Variants in RNMT observed in about 807,000 individuals in gnomAD.
RNMT encodes mRNA cap guanine-N(7) methyltransferase.
Under a neutral mutation model 56.0 loss-of-function variants are expected in RNMT, and 27 were observed. The observed-to-expected ratio is 0.48, with a 90% CI of 0.36 to 0.67. The LOEUF (loss-of-function observed/expected upper bound fraction) is 0.67, where lower values mean the gene tolerates loss of function less well. Ranked by LOEUF, RNMT falls within the 30% of genes least tolerant of loss-of-function variation. The pLI is 0.00. For synonymous variants in RNMT, 184 were observed against 176.2 expected, an observed-to-expected ratio of 1.04 and a Z score of -0.35; for missense variants, 519 against 552.1, an observed-to-expected ratio of 0.94 and a Z score of 0.60.
chr18:13,756,668 C>G (rs1174484597), intron 11 of RNMT, among the ~76,000 whole-genome samples: 1 of 152,140 alleles, frequency 6.6e-6, no homozygotes, highest in East Asian at 1.9e-4. Context: ...AATTGGAAAC[C>G]GGTAAATAAG....
At chr18:13,731,268 C>T (rs960372196) in intron 2 of RNMT, among the ~76,000 whole-genome samples, 1 of 152,094 alleles carries the variant, frequency 6.6e-6, no homozygotes, top group Admixed American at 6.5e-5. Context: ...ATTAGCCAGG[C>T]GTGGTGGCAG....
Position 13,761,060 on chromosome 18 carries a change from CTTT to C in RNMT, c.*1085_*1087del. 1.0e-6 allele frequency: 1 copy of C among 985,158 alleles called. No individual in the cohort carries two copies. Among genetic ancestry groups the C allele is most frequent in the Admixed American group, 6.1e-5 (1 of 16,282 alleles). 61.0% of individuals were successfully genotyped at this position (985,158 alleles called of 1,614,324 possible). On this transcript the variant is annotated 3_prime_UTR_variant, in exon 12 of 12. Coordinates refer to ENST00000383314, the MANE Select transcript of RNMT (RefSeq NM_003799.3). ...GAATGAAGCAGAGCAATTGAGTATT[CTTT>C]TTTAAATTATTAAGCCATGATTTAC...
intron 9 of RNMT, among the ~76,000 whole-genome samples, chr18:13,751,185 A>C (rs1013978741): frequency 6.6e-6 from 1 of 152,246 alleles, no homozygotes; most frequent in Non-Finnish European, 1.5e-5. Flanking sequence ...TGAACAGGCA[A>C]CCTACAGAAT....
intron 3 of RNMT, 37 bp downstream of exon 3, chr18:13,731,971 T>A (rs1601994615): frequency 3.3e-6 from 5 of 1,497,552 alleles, no homozygotes; most frequent in East Asian, 4.5e-5. Flanking sequence ...CATAATAGAA[T>A]ATGTAAGTTT....
At chr18:13,736,571 C>T (rs2044160943) in intron 4 of RNMT, among the ~76,000 whole-genome samples, 1 of 150,844 alleles carries the variant, frequency 6.6e-6, no homozygotes, top group East Asian at 1.9e-4. Context: ...TTTATCATTC[C>T]ATAACAACTT....
intron 1 of RNMT, among the ~76,000 whole-genome samples, chr18:13,729,366 G>A (rs1021034349): frequency 4.6e-5 from 7 of 152,184 alleles, no homozygotes; most frequent in African/African-American, 7.2e-5. Flanking sequence ...TATCATGAAA[G>A]TGACATAAGT....
Position 13,746,320 on chromosome 18 carries a change from C to G in RNMT, c.1240C>G (p.Arg414Gly). The change falls in exon 9 of 12, where the codon CGA becomes GGA. Residue 414 changes from arginine to glycine, a missense_variant. Coordinates refer to ENST00000383314, the MANE Select transcript of RNMT (RefSeq NM_003799.3). The part of the protein sequence containing the change: ...KNNENKMLLK[R>G]MQALEPYPAN... Reference sequence around the variant, plus strand: ...CAATGAAAATAAAATGCTCTTAAAACGAATGCAGGCCTTGGAGGTGAGTAT... The same window carrying G: ...CAATGAAAATAAAATGCTCTTAAAAGGAATGCAGGCCTTGGAGGTGAGTAT... The G allele has an allele frequency of 6.5e-7, 1 of 1,535,878 alleles. No homozygotes were observed. The highest frequency in any genetic ancestry group is 8.9e-7 in the Non-Finnish European group (1 of 1,123,682).
chr18:13,737,039 A>G lies in RNMT; in HGVS notation c.583A>G (p.Lys195Glu), dbSNP rs771175945. ...ATTTTTGGAAAAGGTACGACAGAAG[A>G]AAAAACGTGATATCACTGTTTTGGA... The part of the protein sequence containing the change: ...GEFLEKVRQK[K>E]KRDITVLDLG... The change falls in exon 5 of 12, where the codon AAA (lysine) becomes GAA (glutamate). Residue 195 changes from lysine to glutamate, a missense_variant. Coordinates refer to ENST00000383314, the MANE Select transcript of RNMT (RefSeq NM_003799.3). The G allele has an allele frequency of 6.2e-7, 1 of 1,613,498 alleles. No individual in the cohort carries two copies. The highest frequency in any genetic ancestry group is 8.5e-7 in the Non-Finnish European group (1 of 1,179,618).
At chr18:13,739,436 A>G (rs1340946788) in intron 5 of RNMT, among the ~76,000 whole-genome samples, 1 of 152,214 alleles carries the variant, frequency 6.6e-6, no homozygotes, top group Non-Finnish European at 1.5e-5. Context: ...GCTACTTTGT[A>G]TTTGTGATAA....
chr18:13,733,052 C>T (rs1387244446), intron 3 of RNMT, among the ~76,000 whole-genome samples: 1 of 152,030 alleles, frequency 6.6e-6, no homozygotes, highest in Non-Finnish European at 1.5e-5. Flanking sequence ...TGAGCCACTG[C>T]GCCTGGCTGG....
chr18:13,758,259 C>T (rs984988981), intron 11 of RNMT, among the ~76,000 whole-genome samples: 4 of 152,142 alleles, frequency 2.6e-5, no homozygotes, highest in African/African-American at 7.2e-5. Flanking sequence ...GGAGAGTCGC[C>T]CTGTCTTTTG....
Position 13,762,736 on chromosome 18 carries a change from C to T in RNMT, c.*2757C>T, listed in dbSNP as rs2044635381. On this transcript the variant is annotated 3_prime_UTR_variant, in exon 12 of 12. Transcript: ENST00000383314. ...CATAGAAAAGAAGACAAAGCTTGCT[C>T]AGCCATGAGATGGCCAGGTATCCAG... The T allele has an allele frequency of 7.8e-6, 2 of 256,394 alleles. No individual in the cohort carries two copies. 15.9% of individuals were successfully genotyped at this position (256,394 alleles called of 1,614,324 possible). A position where few individuals can be genotyped will look rare whatever the true frequency, so the allele number is the denominator to read the frequency against.
chr18:13,732,255 G>T (rs374510568), intron 3 of RNMT, among the ~76,000 whole-genome samples: 1 of 152,076 alleles, frequency 6.6e-6, no homozygotes, highest in Non-Finnish European at 1.5e-5. Context: ...GAGTGTGATG[G>T]TGTAATCAAA....
chr18:13,731,358 A>G (rs943144726), intron 2 of RNMT, 118 bp from the exon 3 acceptor site: 4 of 510,936 alleles, frequency 7.8e-6, no homozygotes, highest in Admixed American at 3.6e-5. Context: ...CAGTGAGCCG[A>G]GATCATGCCA....
chr18:13,743,322 C>CAAA (rs55940639), intron 8 of RNMT, among the ~76,000 whole-genome samples: 9 of 28,206 alleles, frequency 3.2e-4, no homozygotes, highest in South Asian at 9.2e-4. Flanking sequence ...AACTCCGTCT[C>CAAA]AAAAAAAAAA....
intron 10 of RNMT, among the ~76,000 whole-genome samples, chr18:13,753,784 A>AT (rs1474291545): frequency 6.7e-6 from 1 of 149,888 alleles, no homozygotes; most frequent in South Asian, 2.1e-4. Flanking sequence ...AAAAGAAAAA[A>AT]AAAATAATAC....
chr18:13,737,703 G>C (rs2044185551), intron 5 of RNMT, among the ~76,000 whole-genome samples: 1 of 151,710 alleles, frequency 6.6e-6, no homozygotes, highest in Admixed American at 6.6e-5. Flanking sequence ...CAAAAATAGG[G>C]CAATTTTAAC....
intron 11 of RNMT, among the ~76,000 whole-genome samples, chr18:13,758,318 A>G (rs1178526078): frequency 1.3e-5 from 2 of 152,288 alleles, no homozygotes; most frequent in East Asian, 1.9e-4. Context: ...AAAGTCCTAG[A>G]TGGCATCTTC....
intron 5 of RNMT, among the ~76,000 whole-genome samples, chr18:13,738,537 C>A (rs2044202749): frequency 2.0e-5 from 3 of 152,190 alleles, no homozygotes; most frequent in African/African-American, 7.2e-5. Flanking sequence ...AATATGGAAT[C>A]TGAAACCTTA....
Sources: allele counts gnomAD v4.1 joint callset (sites outside exome capture counted in the v4.1 genomes callset), GRCh38; gene constraint gnomAD v4.1.1; transcripts MANE v1.5; gene names NCBI Gene and HGNC (gene_info 2026-07-23, HGNC 2026-07-21).